USP32: variants seen among roughly 807,000 people sequenced by gnomAD.
USP32 encodes the protein ubiquitin carboxyl-terminal hydrolase 32.
Under a neutral mutation model 204.8 loss-of-function variants are expected in USP32, and 59 were observed. The ratio of observed to expected loss-of-function variants is 0.29; its 90% confidence interval spans 0.23 to 0.36. USP32 has a LOEUF of 0.36. USP32 is among the 10% of genes least tolerant of loss of function. The probability of loss-of-function intolerance (pLI) is 1.00; values close to 1 mark genes in which losing one functional copy is unlikely to be tolerated. For synonymous variants in USP32, 517 were observed against 678.4 expected (o/e 0.76, Z 3.70); for missense variants, 1,160 against 1,946.4 (o/e 0.60, Z 7.60).
At chr17:60,418,400 T>TC (rs2090079004) in intron 1 of USP32, among the ~76,000 whole-genome samples, 1 of 150,780 alleles carries the variant, frequency 6.6e-6, no homozygotes, top group African/African-American at 2.4e-5. Context: ...GCCTCTGTTT[T>TC]TTTTTTTTTT....
chr17:60,190,713 A>T, intron 28 of USP32, 30 bp from the exon 29 acceptor site: 1 of 1,574,224 alleles, frequency 6.4e-7, no homozygotes, highest in South Asian at 1.2e-5. Flanking sequence ...CCACAGAGGA[A>T]GAAATAATTA....
At chr17:60,367,843 G>T (rs1408301484) in intron 1 of USP32, among the ~76,000 whole-genome samples, 1 of 151,910 alleles carries the variant, frequency 6.6e-6, no homozygotes, top group Non-Finnish European at 1.5e-5. Flanking sequence ...AAAAAATAAT[G>T]GATGGCTACC....
At chr17:60,420,325 T>C (rs941425877) in intron 1 of USP32, among the ~76,000 whole-genome samples, 3 of 152,102 alleles carry the variant, frequency 2.0e-5, no homozygotes, top group Non-Finnish European at 2.9e-5. Flanking sequence ...TAGCATTATA[T>C]AATGTTTTTA....
chr17:60,353,874 G>C (rs1306752477), intron 1 of USP32, among the ~76,000 whole-genome samples: 1 of 152,158 alleles, frequency 6.6e-6, no homozygotes, highest in African/African-American at 2.4e-5. Context: ...AAACATAAGA[G>C]AGCAGCACAA....
intron 1 of USP32, among the ~76,000 whole-genome samples, chr17:60,385,713 G>A (rs1342101925): frequency 1.3e-5 from 2 of 151,274 alleles, no homozygotes; most frequent in African/African-American, 4.9e-5. Context: ...ATGGTGGTGG[G>A]TGCCTGTAAT....
chr17:60,337,946 A>G (rs1399750205), intron 2 of USP32, among the ~76,000 whole-genome samples: 4 of 152,196 alleles, frequency 2.6e-5, no homozygotes, highest in African/African-American at 9.7e-5. Context: ...ATTATCTAAT[A>G]AAATGTTGTG....
At chr17:60,295,947 CT>C (rs933260432) in intron 3 of USP32, among the ~76,000 whole-genome samples, 2 of 152,034 alleles carry the variant, frequency 1.3e-5, no homozygotes, top group Non-Finnish European at 2.9e-5. Context: ...TTATTTAAAA[CT>C]TTAAACCTGC....
intron 1 of USP32, among the ~76,000 whole-genome samples, chr17:60,379,056 C>A (rs1356145503): frequency 6.6e-6 from 1 of 152,062 alleles, no homozygotes; most frequent in Non-Finnish European, 1.5e-5. Flanking sequence ...AAGTCTTTTA[C>A]AATAATCCTA....
intron 23 of USP32, 117 bp downstream of exon 23, chr17:60,208,537 T>C (rs1056291608): frequency 1.5e-6 from 2 of 1,366,036 alleles, no homozygotes; most frequent in African/African-American, 1.5e-5. Context: ...TGCTCAATTA[T>C]AATATGCTGA....
At chr17:60,274,969 C>T (rs1267052880) in intron 5 of USP32, among the ~76,000 whole-genome samples, 3 of 152,168 alleles carry the variant, frequency 2.0e-5, no homozygotes, top group Non-Finnish European at 1.5e-5. Flanking sequence ...CTCTTCCCTG[C>T]TCTACTTTAC....
At chr17:60,226,343 C>T in intron 12 of USP32, 112 bp from the exon 13 acceptor site, 1 of 982,332 alleles carries the variant, frequency 1.0e-6, no homozygotes, top group Non-Finnish European at 1.4e-6. Flanking sequence ...TGTGGTTGGC[C>T]ACAGACATTT....
chr17:60,402,302 G>A (rs546994070), intron 1 of USP32, among the ~76,000 whole-genome samples: 1 of 144,516 alleles, frequency 6.9e-6, no homozygotes, highest in African/African-American at 2.6e-5. Flanking sequence ...CCAGGCTGGA[G>A]TGCAGTGGTG....
chr17:60,396,372 T>C (rs1369841659), upstream of USP32, among the ~76,000 whole-genome samples: 1 of 152,170 alleles, frequency 6.6e-6, no homozygotes, highest in Non-Finnish European at 1.5e-5. Flanking sequence ...CCACCACGCC[T>C]GTCCCGAAGC....
Position 60,220,929 on chromosome 17 carries a change from T to C in USP32, c.1750-1142A>G, listed in dbSNP as rs1441680989. On this transcript the variant is annotated intron_variant, in intron 15 of 33. Transcript: ENST00000300896. ...TCCCAAAGTGCTGGGATTACAGGCG[T>C]GAGCCACCGCGCCCAGCCAACACTG... 2.6e-5 allele frequency among the ~76,000 whole-genome samples: 4 copies of C among 152,214 alleles called. No individual in the cohort carries two copies. The East Asian group carries it at 7.7e-4, about 29-fold the overall frequency.
intron 1 of USP32, among the ~76,000 whole-genome samples, chr17:60,400,616 AC>A (rs1356232132): frequency 6.6e-6 from 1 of 152,218 alleles, no homozygotes; most frequent in Admixed American, 6.5e-5. Context: ...TGTCTATTAG[AC>A]ATCCAAGTGG....
chr17:60,389,373 C>G (rs1481539232), intron 1 of USP32, among the ~76,000 whole-genome samples: 5 of 152,014 alleles, frequency 3.3e-5, no homozygotes, highest in African/African-American at 1.2e-4. Flanking sequence ...GAAACCCCAT[C>G]TCTACTAAAA....
intron 29 of USP32, among the ~76,000 whole-genome samples, chr17:60,189,713 G>A (rs1258616169): frequency 1.3e-5 from 2 of 152,160 alleles, no homozygotes; most frequent in African/African-American, 4.8e-5. Flanking sequence ...GTGCTCTTAG[G>A]TACCCAAAAT....
At chr17:60,228,625 C>A (rs6503953) in intron 12 of USP32, among the ~76,000 whole-genome samples, 6,641 of 149,636 alleles carry the variant, frequency 0.044, 532 homozygotes, top group African/African-American at 0.15. Context: ...GGAGACCAGC[C>A]CGAGCAACGT....
chr17:60,261,712 T>G (rs1257906322), intron 9 of USP32, among the ~76,000 whole-genome samples: 2 of 152,100 alleles, frequency 1.3e-5, no homozygotes, highest in Non-Finnish European at 2.9e-5. Flanking sequence ...ATTTGATATG[T>G]GTGATAAATT....
Sources: gnomAD v4.1 joint callset for allele counts (sites outside exome capture counted in the v4.1 genomes callset) on GRCh38, gnomAD v4.1.1 for gene constraint, MANE v1.5 for transcripts, NCBI Gene and HGNC (gene_info 2026-07-23, HGNC 2026-07-21) for gene names.